The following QKI variants were observed in gnomAD, a reference collection of about 807,000 sequenced individuals.
The protein encoded by QKI is KH domain-containing RNA-binding protein QKI.
QKI carries 10 observed loss-of-function variants against 39.0 expected under a neutral mutation model. That is an observed-to-expected ratio of 0.26 (90% CI 0.16 to 0.43). The LOEUF is 0.43. QKI is among the 20% of genes least tolerant of loss of function. QKI has a pLI of 1.00. For synonymous variants in QKI, 204 were observed against 155.4 expected, an observed-to-expected ratio of 1.31 and a Z score of -2.33; for missense variants, 218 against 428.0, an observed-to-expected ratio of 0.51 and a Z score of 4.33.
Position 163,505,919 on chromosome 6 carries a change from A to G in QKI, c.402+27023A>G, listed in dbSNP as rs368046115. Among the ~76,000 whole-genome samples the G allele has an allele frequency of 5.9e-5, 9 of 152,194 alleles. No individual in the cohort carries two copies. The East Asian group carries it at 9.7e-4, about 16-fold the overall frequency. On this transcript the variant is annotated intron_variant, in intron 3 of 7. Transcript: ENST00000361752. ...TGTCTCCACCCAAATCTCTTCTTGAATTGTAATTCCCATGTGTTGAGGGAG... is the reference window on the plus strand; with the variant it reads ...TGTCTCCACCCAAATCTCTTCTTGAGTTGTAATTCCCATGTGTTGAGGGAG...
chr6:163,442,352 A>T (rs1188158488), intron 1 of QKI, among the ~76,000 whole-genome samples: 1 of 152,248 alleles, frequency 6.6e-6, no homozygotes, highest in Non-Finnish European at 1.5e-5. Context: ...GTTTTATTAG[A>T]CATAACTTTC....
At chr6:163,439,077 A>G (rs1306715785) in intron 1 of QKI, among the ~76,000 whole-genome samples, 1 of 152,156 alleles carries the variant, frequency 6.6e-6, no homozygotes, top group Admixed American at 6.6e-5. Flanking sequence ...CACAGGGTCC[A>G]GATCATCAGT....
chr6:163,522,867 T>C (rs1780245519), intron 3 of QKI, among the ~76,000 whole-genome samples: 1 of 152,170 alleles, frequency 6.6e-6, no homozygotes, highest in African/African-American at 2.4e-5. Context: ...GAATTAATAT[T>C]TGGGGAGTAC....
chr6:163,489,915 T>C (rs1197433149), intron 3 of QKI, among the ~76,000 whole-genome samples: 2 of 152,152 alleles, frequency 1.3e-5, no homozygotes, highest in Admixed American at 6.5e-5. Flanking sequence ...ATGGTTTTTT[T>C]CTCGCATTTT....
intron 1 of QKI, among the ~76,000 whole-genome samples, chr6:163,442,849 T>A (rs1057067303): frequency 2.0e-5 from 3 of 152,202 alleles, no homozygotes; most frequent in Admixed American, 1.3e-4. Flanking sequence ...TAATATATAT[T>A]TTTTAAATAT....
intron 2 of QKI, among the ~76,000 whole-genome samples, chr6:163,458,495 C>G (rs1181667744): frequency 6.6e-6 from 1 of 152,180 alleles, no homozygotes; most frequent in African/African-American, 2.4e-5. Context: ...TTGTATGAAA[C>G]TCATTCTTTC....
At chr6:163,505,822 G>T (rs1779057590) in intron 3 of QKI, among the ~76,000 whole-genome samples, 1 of 152,146 alleles carries the variant, frequency 6.6e-6, no homozygotes, top group Non-Finnish European at 1.5e-5. Flanking sequence ...GGATCTTATG[G>T]ATGGTTATGA....
intron 3 of QKI, among the ~76,000 whole-genome samples, chr6:163,515,660 G>T (rs1779746533): frequency 6.6e-6 from 1 of 152,094 alleles, no homozygotes; most frequent in African/African-American, 2.4e-5. Context: ...AAATATATTG[G>T]TGTGTTACAA....
At chr6:163,510,561 A>G (rs1312089514) in intron 3 of QKI, among the ~76,000 whole-genome samples, 1 of 152,166 alleles carries the variant, frequency 6.6e-6, no homozygotes, top group Non-Finnish European at 1.5e-5. Flanking sequence ...ACTTATCTCA[A>G]AAAAATAAAT....
At chr6:163,425,572 T>C (rs1788344647) in intron 1 of QKI, among the ~76,000 whole-genome samples, 1 of 152,336 alleles carries the variant, frequency 6.6e-6, no homozygotes, top group Non-Finnish European at 1.5e-5. Context: ...GCTAACCCTT[T>C]AGGAAAATTT....
intron 3 of QKI, among the ~76,000 whole-genome samples, chr6:163,516,105 T>C (rs1030906018): frequency 1.3e-5 from 2 of 152,108 alleles, no homozygotes; most frequent in African/African-American, 4.8e-5. Context: ...AAGATTAATA[T>C]TTGTTTTGTG....
In QKI at chr6:163,574,963, CACAT is replaced by C. The variant is rs1461313407; in HGVS notation, c.*4255_*4258del. The C allele has an allele frequency of 6.6e-6, 1 of 152,152 alleles. No individual in the cohort carries two copies. Among genetic ancestry groups the C allele is most frequent in the Admixed American group, 6.5e-5 (1 of 15,270 alleles). The allele number at this position is 152,152 out of a possible 1,614,324, so 9.4% of individuals were successfully genotyped here. A position where few individuals can be genotyped will look rare whatever the true frequency, so the allele number is the denominator to read the frequency against. On this transcript the variant is annotated 3_prime_UTR_variant, in exon 8 of 8. Coordinates refer to ENST00000361752, the MANE Select transcript of QKI (RefSeq NM_006775.3). Reference sequence around the variant, plus strand: ...TTCTCATTTCATAAATATGTATACACACATATAAATACACAGAGTAGTGTTAGCT... The same window carrying C: ...TTCTCATTTCATAAATATGTATACACATAAATACACAGAGTAGTGTTAGCT...
intron 2 of QKI, among the ~76,000 whole-genome samples, chr6:163,462,725 T>G (rs1259882669): frequency 6.6e-6 from 1 of 152,198 alleles, no homozygotes; most frequent in Admixed American, 6.5e-5. Flanking sequence ...TGGTCTGTGC[T>G]AGGTAACAGG....
chr6:163,440,793 G>GT (rs779577662), intron 1 of QKI, among the ~76,000 whole-genome samples: 4 of 151,938 alleles, frequency 2.6e-5, no homozygotes, highest in Non-Finnish European at 5.9e-5. Flanking sequence ...CCAGTGCCTG[G>GT]TACAGAGTAG....
At chr6:163,487,608 C>G (rs571946406) in intron 3 of QKI, among the ~76,000 whole-genome samples, 1 of 151,754 alleles carries the variant, frequency 6.6e-6, no homozygotes, top group East Asian at 1.9e-4. Flanking sequence ...CTCCATTTCT[C>G]TTTCTTGGCT....
chr6:163,525,550 G>A lies in QKI; in HGVS notation c.403-9432G>A, dbSNP rs572914330. On this transcript the variant is annotated intron_variant, in intron 3 of 7. Transcript: ENST00000361752. ...ATTTTTGTATTTTTAGTAGAGATGG[G>A]GTTTTGCCGTGTCGGCCAGGCTGGT... Among the ~76,000 whole-genome samples the A allele has an allele frequency of 5.3e-5, 8 of 152,090 alleles. No individual in the cohort carries two copies. The South Asian group carries it at 1.2e-3, about 24-fold the overall frequency.
chr6:163,506,141 C>T (rs1299225230), intron 3 of QKI, among the ~76,000 whole-genome samples: 3 of 151,738 alleles, frequency 2.0e-5, no homozygotes, highest in Admixed American at 6.6e-5. Flanking sequence ...TGAGGCCTCT[C>T]CAGCCATGCA....
chr6:163,514,230 AC>A (rs1779658344), intron 3 of QKI, among the ~76,000 whole-genome samples: 1 of 152,132 alleles, frequency 6.6e-6, no homozygotes, highest in Non-Finnish European at 1.5e-5. Context: ...ACCTTAAAAT[AC>A]TTTTTAAGAA....
At position 163,429,395 on chromosome 6, in the gene QKI, A is replaced by C. The variant is rs193089589; in HGVS notation, c.142+14060A>C. On this transcript the variant is annotated intron_variant, in intron 1 of 7. Coordinates refer to ENST00000361752, the MANE Select transcript of QKI (RefSeq NM_006775.3). The stretch of plus-strand genomic sequence containing the variant: ...TAGCAAAATTGGAATTACGGTTTTT[A>C]AAAAAAATTATATCATGAGCAAAAT... Among the ~76,000 whole-genome samples the C allele has an allele frequency of 2.0e-5, 3 of 152,120 alleles. No individual in the cohort carries two copies. The East Asian group carries it at 5.8e-4, about 29-fold the overall frequency.
Sources: gnomAD v4.1 joint callset for allele counts (sites outside exome capture counted in the v4.1 genomes callset) on GRCh38, gnomAD v4.1.1 for gene constraint, MANE v1.5 for transcripts, NCBI Gene and HGNC (gene_info 2026-07-23, HGNC 2026-07-21) for gene names.